Variants in PER2 observed in about 807,000 individuals in gnomAD.
PER2 encodes the protein period circadian regulator 2.
In PER2, 66 loss-of-function variants were observed where a neutral mutation model predicts 121.0. The observed-to-expected ratio is 0.55, with a 90% confidence interval of 0.45 to 0.67. PER2 has a LOEUF of 0.67. PER2 is among the 30% of genes least tolerant of loss of function. The pLI, the probability that PER2 is intolerant of heterozygous loss-of-function variation, is 0.00. For missense variants in PER2, 1,521 were observed against 1,635.0 expected (o/e 0.93, Z 1.20); for synonymous variants, 684 against 659.9 (o/e 1.04, Z -0.56).
chr2:238,272,850 T>C (rs4663300), intron 5 of PER2, among the ~76,000 whole-genome samples: 14,141 of 152,204 alleles, frequency 0.093, 712 homozygotes, highest in South Asian at 0.13. Flanking sequence ...ACAAAGTTGG[T>C]CAGGGACGAG....
chr2:238,256,213 A>C (rs1246418998), intron 17 of PER2, among the ~76,000 whole-genome samples: 1 of 152,190 alleles, frequency 6.6e-6, no homozygotes, highest in African/African-American at 2.4e-5. Context: ...GGCTGTCCTT[A>C]GCTTTCAGAA....
At chr2:238,279,852 G>C (rs11892309) in intron 1 of PER2, among the ~76,000 whole-genome samples, 56,982 of 151,978 alleles carry the variant, frequency 0.37, 11,659 homozygotes, top group African/African-American at 0.54. Flanking sequence ...GCTTGTCGCT[G>C]AGATGGAAGG....
At chr2:238,281,469 G>T (rs1696628178) in intron 1 of PER2, among the ~76,000 whole-genome samples, 1 of 152,158 alleles carries the variant, frequency 6.6e-6, no homozygotes, top group African/African-American at 2.4e-5. Flanking sequence ...AACAAAATAA[G>T]CAAATCTGTT....
chr2:238,286,310 G>C (rs183794456), intron 1 of PER2, among the ~76,000 whole-genome samples: 22 of 152,226 alleles, frequency 1.4e-4, no homozygotes, highest in Admixed American at 1.0e-3. Context: ...AGGCCGGTGA[G>C]GGTTCAGCAC....
At chr2:238,261,568 T>A in intron 12 of PER2, 161 bp downstream of exon 12, 2 of 674,894 alleles carry the variant, frequency 3.0e-6, no homozygotes, top group East Asian at 5.5e-5. Flanking sequence ...TGTCTCGGAC[T>A]AGCACAGTCT....
intron 9 of PER2, among the ~76,000 whole-genome samples, chr2:238,263,302 C>T (rs117615616): frequency 6.6e-6 from 1 of 152,296 alleles, no homozygotes; most frequent in East Asian, 1.9e-4. Context: ...TTCAGCTCTG[C>T]GTTTCACCTC....
the PER2 span, chr2:238,299,184 G>C: frequency 1.2e-4 from 18 of 152,376 alleles, no homozygotes; most frequent in African/African-American, 3.9e-4. Context: ...GGGAGGCTGA[G>C]GCAGGAGAAT....
At chr2:238,272,999 G>C (rs1696336663) in intron 5 of PER2, 71 bp downstream of exon 5, 3 of 1,506,274 alleles carry the variant, frequency 2.0e-6, no homozygotes, top group South Asian at 2.2e-5. Context: ...ACCGGCCGCA[G>C]TGCTGAGCTA....
chr2:238,288,671 C>T (rs907177801), upstream of PER2: 24 of 150,658 alleles, frequency 1.6e-4, no homozygotes, highest in African/African-American at 5.8e-4. Flanking sequence ...TCAGCCCGTC[C>T]GCCGGTCCCT....
intron 1 of PER2, among the ~76,000 whole-genome samples, chr2:238,283,040 C>T (rs548436258): frequency 6.6e-6 from 1 of 152,318 alleles, no homozygotes; most frequent in Admixed American, 6.5e-5. Context: ...GGATGACGTG[C>T]CACACCACTG....
Position 238,260,806 on chromosome 2 carries a change from G to C in PER2, c.1542+22C>G, listed in dbSNP as rs200738217. 1.2e-5 allele frequency: 20 copies of C among 1,613,894 alleles called. No homozygotes were observed. In the Admixed American group the frequency reaches 1.5e-4, roughly 12 times the overall value. The stretch of plus-strand genomic sequence containing the variant: ...GGACATCCACAAACTCATTTTCTCA[G>C]GGAGAATGGAAGGAGACGTACGGCT... On this transcript the variant is annotated intron_variant, in intron 13 of 22. Coordinates refer to ENST00000254657, the MANE Select transcript of PER2 (RefSeq NM_022817.3).
At chr2:238,273,276 T>G in intron 4 of PER2, 85 bp from the exon 5 acceptor site, 2 of 1,395,528 alleles carry the variant, frequency 1.4e-6, no homozygotes, top group Non-Finnish European at 2.0e-6. Context: ...CTGAGGGCTC[T>G]ACTTTTCTCA....
In PER2 at chr2:238,262,296, C is replaced by T. The variant is rs774249054; in HGVS notation, c.1202G>A (p.Arg401His). The T allele has an allele frequency of 1.6e-5, 26 of 1,613,818 alleles. No homozygotes were observed. Among genetic ancestry groups the T allele is most frequent in the Admixed American group, 1.3e-4 (8 of 59,978 alleles). Reference protein sequence around the residue: ...QPFDYSPIRFRARNGEYITLD... With the variant: ...QPFDYSPIRFHARNGEYITLD... ...CGTGATGTACTCTCCGTTCCGGGCG[C>T]GAAACCGAATGGGAGAATAGTCGAA... Residue 401 changes from arginine (R) to histidine (H), a missense_variant, in exon 11 of 23, where the codon CGC (arginine) becomes CAC (histidine). By Grantham distance (29) the Arg-to-His change is conservative. Transcript: ENST00000254657.
rs1379771813 is a variant in PER2, at chr2:238,278,056, G to C, written c.-19-101C>G. 4.1e-6 allele frequency: 5 copies of C among 1,209,164 alleles called. No homozygotes were observed. The East Asian group carries it at 1.3e-4, about 31-fold the overall frequency. The allele number at this position is 1,209,164 out of a possible 1,614,324, so 74.9% of individuals were successfully genotyped here. On this transcript the variant is annotated intron_variant, in intron 1 of 22. Coordinates refer to ENST00000254657, the MANE Select transcript of PER2 (RefSeq NM_022817.3). ...CCATTTGACTCTTTCTGTTACTAAT[G>C]AAACTGCAGTCTCTTTCTTTCTTCT...
intron 1 of PER2, among the ~76,000 whole-genome samples, chr2:238,284,441 CAAA>C (rs199867354): frequency 4.8e-5 from 4 of 83,090 alleles, no homozygotes; most frequent in Non-Finnish European, 4.9e-5. Flanking sequence ...GACTCTATCT[CAAA>C]AAAAAAAAAA....
At chr2:238,291,189 A>G (rs1475571134), upstream of PER2, among the ~76,000 whole-genome samples, 3 of 152,164 alleles carry the variant, frequency 2.0e-5, no homozygotes, top group Non-Finnish European at 4.4e-5. Context: ...GTCCCCACCT[A>G]CCTTGGGAAT....
chr2:238,257,035 A>G lies in PER2; in HGVS notation c.1952T>C (p.Leu651Pro). 6.2e-7 allele frequency: 1 copy of G among 1,613,436 alleles called. No homozygotes were observed. The highest frequency in any genetic ancestry group is 1.3e-5 in the African/African-American group (1 of 75,062). The change falls in exon 17 of 23, where the codon CTG becomes CCG. Residue 651 changes from leucine to proline, a missense_variant. Leu to Pro is a moderately conservative substitution (Grantham distance 98). Coordinates refer to ENST00000254657, the MANE Select transcript of PER2 (RefSeq NM_022817.3). The part of the protein sequence containing the change: ...VNSRTGVGTH[L>P]TSLALPGKAE... Reference sequence around the variant, plus strand: ...CTTGCCCGGCAGTGCCAGCGAGGTCAGGTGCGTACCTACTCCCGTGCGGCT... The same window carrying G: ...CTTGCCCGGCAGTGCCAGCGAGGTCGGGTGCGTACCTACTCCCGTGCGGCT...
At chr2:238,256,669 C>T (rs183588083) in intron 17 of PER2, among the ~76,000 whole-genome samples, 24 of 152,326 alleles carry the variant, frequency 1.6e-4, no homozygotes, top group African/African-American at 5.3e-4. Flanking sequence ...ACAATCAACC[C>T]TCCTGCGTTG....
upstream of PER2, among the ~76,000 whole-genome samples, chr2:238,291,220 G>A (rs1696945335): frequency 1.3e-5 from 2 of 152,154 alleles, no homozygotes; most frequent in South Asian, 4.1e-4. Flanking sequence ...GGAGGAGCTG[G>A]CCTCCCAGCT....
Sources: allele counts gnomAD v4.1 joint callset (sites outside exome capture counted in the v4.1 genomes callset), GRCh38; gene constraint gnomAD v4.1.1; transcripts MANE v1.5; gene names NCBI Gene and HGNC (gene_info 2026-07-23, HGNC 2026-07-21).